Variants in MZT2B observed in about 807,000 individuals in gnomAD.
MZT2B encodes mitotic spindle organizing protein 2B, also known as mitotic-spindle organizing protein 2B.
Under a neutral mutation model 12.1 loss-of-function variants are expected in MZT2B, and 11 were observed. The observed-to-expected ratio is 0.91, with a 90% CI of 0.57 to 1.50. The LOEUF is 1.50. MZT2B is among the 40% of genes most tolerant of loss of function. The pLI is 0.00. For missense variants in MZT2B, 209 were observed against 227.7 expected (o/e 0.92, Z 0.53); for synonymous variants, 85 against 109.5 (o/e 0.78, Z 1.40).
At chr2:130,190,181 C>T (rs192409127) in intron 2 of MZT2B, among the ~76,000 whole-genome samples, 46 of 152,318 alleles carry the variant, frequency 3.0e-4, no homozygotes, top group African/African-American at 8.4e-4. Context: ...TAAATGGGCC[C>T]GTGGCATGTG....
At chr2:130,197,390 G>A in the MZT2B span, among the ~76,000 whole-genome samples, 12 of 118,934 alleles carry the variant, frequency 1.0e-4, no homozygotes, top group African/African-American at 3.6e-4. Context: ...GGAAGGCTGA[G>A]GCGGGAGGAC....
the MZT2B span, chr2:130,198,426 C>A: frequency 5.9e-6 from 8 of 1,350,256 alleles, 2 homozygotes; most frequent in Non-Finnish European, 8.1e-6. Context: ...AGCTGCTGAG[C>A]GCCCAACTGC....
At chr2:130,203,763 T>G in the MZT2B span, among the ~76,000 whole-genome samples, 6 of 152,312 alleles carry the variant, frequency 3.9e-5, no homozygotes, top group African/African-American at 1.4e-4. Context: ...CTTCAGCACT[T>G]TGCCTATGTA....
chr2:130,183,044 A>G (rs1689844402), intron 2 of MZT2B: 2 of 577,258 alleles, frequency 3.5e-6, no homozygotes, highest in Non-Finnish European at 6.0e-6. Context: ...CCACCTCTTC[A>G]CTCAGGCCTT....
At chr2:130,183,993 G>C in intron 2 of MZT2B, 1 of 1,550,478 alleles carries the variant, frequency 6.4e-7, no homozygotes, top group Non-Finnish European at 8.7e-7. Context: ...TATCTCTGGG[G>C]GTTGGTGCTC....
intron 2 of MZT2B, among the ~76,000 whole-genome samples, chr2:130,189,594 T>G (rs10211408): frequency 0.46 from 70,608 of 151,904 alleles, 17,064 homozygotes; most frequent in African/African-American, 0.6. Flanking sequence ...CACATGGGGG[T>G]CTGTGACCCC....
At chr2:130,195,544 G>T (rs900779217), downstream of MZT2B, among the ~76,000 whole-genome samples, 3 of 152,194 alleles carry the variant, frequency 2.0e-5, no homozygotes, top group Non-Finnish European at 4.4e-5. Flanking sequence ...TACATCAAAG[G>T]CTGTAAGTTA....
chr2:130,204,573 C>G, the MZT2B span, among the ~76,000 whole-genome samples: 1 of 152,016 alleles, frequency 6.6e-6, no homozygotes, highest in Non-Finnish European at 1.5e-5. Flanking sequence ...TGCCTGTAAT[C>G]CTAGCTACTT....
At chr2:130,189,930 G>A (rs1349202949) in intron 2 of MZT2B, among the ~76,000 whole-genome samples, 6 of 152,166 alleles carry the variant, frequency 3.9e-5, no homozygotes, top group Admixed American at 2.0e-4. Flanking sequence ...CAGAACACTC[G>A]GGTAGGTAGG....
At chr2:130,194,849 C>T (rs2313993), downstream of MZT2B, among the ~76,000 whole-genome samples, 9 of 152,220 alleles carry the variant, frequency 5.9e-5, no homozygotes, top group Middle Eastern at 3.4e-3. Flanking sequence ...AGCTAATTTT[C>T]GTATTTTTAG....
intron 2 of MZT2B, chr2:130,184,095 C>T (rs1036542657): frequency 5.8e-6 from 9 of 1,540,860 alleles, no homozygotes; most frequent in Middle Eastern, 3.4e-4. Flanking sequence ...GCTGCCCTGC[C>T]GCTTAGCCAC....
chr2:130,181,729 AGGAGTGCGGGGGAG>A, upstream of MZT2B: 1 of 1,548,904 alleles, frequency 6.5e-7, no homozygotes, highest in South Asian at 1.2e-5. Context: ...ATGGCGAGGC[AGGAGTGCGGGGGAG>A]GGAGTGGTCC....
At chr2:130,185,439 G>C (rs1375881476) in intron 2 of MZT2B, among the ~76,000 whole-genome samples, 1 of 146,240 alleles carries the variant, frequency 6.8e-6, no homozygotes, top group East Asian at 2.0e-4. Context: ...AAGAGCTTGT[G>C]ACTGGACTCC....
chr2:130,190,179 C>A (rs185934669), intron 2 of MZT2B, among the ~76,000 whole-genome samples: 2 of 152,308 alleles, frequency 1.3e-5, no homozygotes, highest in Admixed American at 6.5e-5. Flanking sequence ...CCTAAATGGG[C>A]CCGTGGCATG....
the MZT2B span, among the ~76,000 whole-genome samples, chr2:130,202,732 C>A: frequency 9.0e-3 from 1,367 of 152,326 alleles, 12 homozygotes; most frequent in African/African-American, 0.032. Context: ...TTCAACCCCG[C>A]AGAGTAAGCA....
rs191007247 is a variant in MZT2B, at chr2:130,189,524, A to G, written c.320-945A>G. 1.4e-4 allele frequency among the ~76,000 whole-genome samples: 22 copies of G among 152,308 alleles called. No individual in the cohort carries two copies. In the East Asian group the frequency reaches 3.5e-3, roughly 24 times the overall value. ...CAGGCAGGGGACACATGCCCTGTTT[A>G]GAGCCCACAGGCCAGACCCTGCCAG... is the stretch of plus-strand genomic sequence containing the variant. On this transcript the variant is annotated intron_variant, in intron 2 of 2. Transcript: ENST00000281871.
chr2:130,181,658 T>C (rs1689656966), upstream of MZT2B: 1 of 1,551,170 alleles, frequency 6.4e-7, no homozygotes, highest in Non-Finnish European at 8.7e-7. Context: ...TTCCACCTCT[T>C]TGGGCCGTTA....
chr2:130,191,756 C>T (rs1690263303), downstream of MZT2B: 1 of 1,556,790 alleles, frequency 6.4e-7, no homozygotes, highest in African/African-American at 1.4e-5. Flanking sequence ...TGGTTTTATA[C>T]AGAATCTTTA....
the MZT2B span, among the ~76,000 whole-genome samples, chr2:130,201,249 G>A: frequency 6.6e-6 from 1 of 152,196 alleles, no homozygotes; most frequent in Non-Finnish European, 1.5e-5. Context: ...GAGGCCACTG[G>A]CCCCTTCTCC....
Sources: allele counts gnomAD v4.1 joint callset (sites outside exome capture counted in the v4.1 genomes callset), GRCh38; gene constraint gnomAD v4.1.1; transcripts MANE v1.5; gene names NCBI Gene and HGNC (gene_info 2026-07-23, HGNC 2026-07-21).